The following KIF25 variants were observed in gnomAD, a reference collection of about 807,000 sequenced individuals.
KIF25 encodes the protein kinesin family member 25.
In KIF25, 19 loss-of-function variants were observed where a neutral mutation model predicts 32.9. The observed-to-expected ratio is 0.58, with a 90% confidence interval of 0.40 to 0.85. KIF25 has a LOEUF of 0.85. Among genes scored for constraint, KIF25 ranks in the 40% least tolerant of loss-of-function variants. KIF25 has a pLI of 0.00. For synonymous variants in KIF25, 225 were observed against 213.7 expected (o/e 1.05, Z -0.46); for missense variants, 485 against 507.0 (o/e 0.96, Z 0.42).
chr6:168,027,523 A>T (rs1257964808), intron 5 of KIF25, among the ~76,000 whole-genome samples: 1 of 151,420 alleles, frequency 6.6e-6, no homozygotes, highest in African/African-American at 2.4e-5. Context: ...GTTGGGGGGA[A>T]AATGGTCAAA....
intron 5 of KIF25, among the ~76,000 whole-genome samples, chr6:168,028,013 C>G (rs915024928): frequency 6.6e-6 from 1 of 152,078 alleles, no homozygotes; most frequent in Non-Finnish European, 1.5e-5. Context: ...AAAAGGCTGC[C>G]AGGTTCCAGA....
Position 168,040,167 on chromosome 6 carries a change from C to T in KIF25, c.597C>T (p.His199=). ...TLVHADSSRS[H]LIITVTLTTA... is the part of the protein sequence containing the mutation. ...TGCACGCGGATTCCTCCAGGTCTCA[C>T]CTGATAATTACGGTGACTCTAACCA... Residue 199 remains histidine (H), a synonymous_variant, in exon 10 of 13, where the codon CAC becomes CAT. Transcript: ENST00000643607. The T allele has an allele frequency of 1.2e-6, 2 of 1,614,036 alleles. No homozygotes were observed. Among genetic ancestry groups the T allele is most frequent in the Non-Finnish European group, 1.7e-6 (2 of 1,180,000 alleles).
intron 5 of KIF25, among the ~76,000 whole-genome samples, chr6:168,025,000 G>A (rs1274490385): frequency 2.0e-5 from 3 of 152,200 alleles, no homozygotes; most frequent in Non-Finnish European, 2.9e-5. Flanking sequence ...GCAGTGAGCC[G>A]AGAATGTGCC....
At chr6:168,043,433 C>T (rs1287550319) in intron 12 of KIF25, among the ~76,000 whole-genome samples, 1 of 152,168 alleles carries the variant, frequency 6.6e-6, no homozygotes, top group Non-Finnish European at 1.5e-5. Flanking sequence ...CCTGGGAGGG[C>T]CACCCTGGGA....
intron 7 of KIF25, 94 bp from the exon 8 acceptor site, chr6:168,033,788 T>C (rs907246233): frequency 1.6e-5 from 20 of 1,270,058 alleles, no homozygotes; most frequent in Non-Finnish European, 2.1e-5. Flanking sequence ...GGAAATGAAA[T>C]GTATTGAAGT....
chr6:168,027,240 C>T (rs1478347411), intron 5 of KIF25, among the ~76,000 whole-genome samples: 1 of 152,044 alleles, frequency 6.6e-6, no homozygotes, highest in Non-Finnish European at 1.5e-5. Context: ...ATTGCCTGAA[C>T]TCAGGAGTTC....
At chr6:168,035,808 G>T (rs760355728) in intron 8 of KIF25, 19 of 455,922 alleles carry the variant, frequency 4.2e-5, no homozygotes, top group Non-Finnish European at 7.5e-5. Flanking sequence ...TTCCAAGTGA[G>T]TGGCCCCGGG....
chr6:168,035,629 A>G (rs1482685170), intron 8 of KIF25: 5 of 444,174 alleles, frequency 1.1e-5, no homozygotes, highest in African/African-American at 8.0e-5. Context: ...CCGGATAATC[A>G]GCGTTACCAA....
chr6:168,039,882 G>T (rs192366196), intron 9 of KIF25, among the ~76,000 whole-genome samples, 183 bp from the exon 10 acceptor site: 3 of 152,322 alleles, frequency 2.0e-5, no homozygotes, highest in East Asian at 3.9e-4. Context: ...GCTATAGGTT[G>T]GTTAGGTCTC....
intron 8 of KIF25, chr6:168,035,662 A>G (rs1289744991): frequency 2.2e-6 from 1 of 455,144 alleles, no homozygotes; most frequent in African/African-American, 2.0e-5. Flanking sequence ...ATTACTGGCA[A>G]GCGTTTCAGT....
At chr6:168,007,407 A>G (rs1202178436) in intron 4 of KIF25, among the ~76,000 whole-genome samples, 4 of 152,148 alleles carry the variant, frequency 2.6e-5, no homozygotes, top group Non-Finnish European at 5.9e-5. Flanking sequence ...ATGAGACTCC[A>G]TCTCAAAACA....
chr6:168,037,869 C>T (rs1016556781), intron 8 of KIF25, among the ~76,000 whole-genome samples: 2 of 152,186 alleles, frequency 1.3e-5, no homozygotes, highest in African/African-American at 4.8e-5. Context: ...GCATGCACCA[C>T]CACGCCCAGC....
intron 4 of KIF25, among the ~76,000 whole-genome samples, chr6:168,011,363 AT>A (rs1798644952): frequency 2.6e-5 from 4 of 151,994 alleles, no homozygotes; most frequent in Non-Finnish European, 5.9e-5. Flanking sequence ...ACCCTTGAGT[AT>A]TTCTTGTAAG....
At chr6:168,025,778 G>A (rs998008754) in intron 5 of KIF25, among the ~76,000 whole-genome samples, 3 of 152,228 alleles carry the variant, frequency 2.0e-5, no homozygotes, top group Non-Finnish European at 2.9e-5. Flanking sequence ...AGTAGGGTCG[G>A]ATTAGGAATA....
intron 5 of KIF25, among the ~76,000 whole-genome samples, chr6:168,021,347 G>A (rs910153490): frequency 6.6e-6 from 1 of 152,184 alleles, no homozygotes; most frequent in African/African-American, 2.4e-5. Flanking sequence ...GAAGCAGCAA[G>A]AACCGACCCT....
chr6:168,044,121 C>T (rs891365473), intron 12 of KIF25, among the ~76,000 whole-genome samples: 8 of 151,562 alleles, frequency 5.3e-5, no homozygotes, highest in Non-Finnish European at 1.0e-4. Context: ...CCTGCAGCTT[C>T]CCCAGGTGAG....
chr6:168,029,833 G>A (rs1798916344), intron 6 of KIF25, among the ~76,000 whole-genome samples, 156 bp downstream of exon 6: 1 of 152,118 alleles, frequency 6.6e-6, no homozygotes, highest in African/African-American at 2.4e-5. Flanking sequence ...TTCCCACACA[G>A]TGCTCACCAC....
chr6:168,027,472 A>G lies in KIF25; in HGVS notation c.-94-2020A>G, dbSNP rs532322056. ...CTGTCTCCAAAAAAAAAAAAAAAAA[A>G]AAAGAGAGAGAGAGAAAGAAAAAGG... On this transcript the variant is annotated intron_variant, in intron 5 of 12. Transcript: ENST00000643607. Among the ~76,000 whole-genome samples, 102 of 150,770 alleles carry G rather than the reference A, an allele frequency of 6.8e-4. 2 individuals carry two copies. The South Asian group carries it at 0.019, about 28-fold the overall frequency.
intron 4 of KIF25, among the ~76,000 whole-genome samples, chr6:168,009,588 A>G (rs1360474091): frequency 6.6e-6 from 1 of 152,092 alleles, no homozygotes; most frequent in Non-Finnish European, 1.5e-5. Context: ...GGCCTTGTAG[A>G]ATGAGTTAGC....
Sources: allele counts gnomAD v4.1 joint callset (sites outside exome capture counted in the v4.1 genomes callset), GRCh38; gene constraint gnomAD v4.1.1; transcripts MANE v1.5; gene names NCBI Gene and HGNC (gene_info 2026-07-23, HGNC 2026-07-21).